Variants in ITGB8 observed in about 807,000 individuals in gnomAD.
The protein encoded by ITGB8 is integrin subunit beta 8, also known as integrin beta-8.
In ITGB8, 30 loss-of-function variants were observed where a neutral mutation model predicts 89.5. That is an observed-to-expected ratio of 0.34 (90% CI 0.25 to 0.45). The LOEUF is 0.45. Among genes scored for constraint, ITGB8 ranks in the 20% least tolerant of loss-of-function variants. The pLI is 1.00. For synonymous variants in ITGB8, 335 were observed against 320.4 expected, an observed-to-expected ratio of 1.05 and a Z score of -0.49; for missense variants, 836 against 933.3, an observed-to-expected ratio of 0.90 and a Z score of 1.36.
At chr7:20,378,996 T>G (rs946964661) in intron 3 of ITGB8, 55 bp from the exon 4 acceptor site, 10 of 1,425,294 alleles carry the variant, frequency 7.0e-6, no homozygotes, top group Non-Finnish European at 9.4e-6. Flanking sequence ...ATTAAGAGCT[T>G]ATCCTGAAAA....
chr7:20,384,359 A>C (rs1786521157), intron 6 of ITGB8, among the ~76,000 whole-genome samples: 1 of 152,114 alleles, frequency 6.6e-6, no homozygotes, highest in African/African-American at 2.4e-5. Context: ...TATATGTCTA[A>C]ATTACATGGG....
intron 1 of ITGB8, among the ~76,000 whole-genome samples, chr7:20,338,437 G>C (rs1035441054): frequency 2.0e-5 from 3 of 151,820 alleles, no homozygotes. Flanking sequence ...GACCAGCCTG[G>C]CCAACATGGA....
chr7:20,359,519 G>C (rs1785421103), intron 1 of ITGB8, among the ~76,000 whole-genome samples: 1 of 152,208 alleles, frequency 6.6e-6, no homozygotes, highest in Admixed American at 6.5e-5. Context: ...ATGTTGGATG[G>C]GAGGGCAAAT....
At chr7:20,360,224 G>A (rs1156796599) in intron 1 of ITGB8, among the ~76,000 whole-genome samples, 1 of 152,134 alleles carries the variant, frequency 6.6e-6, no homozygotes, top group Admixed American at 6.6e-5. Context: ...TATGGAAGTA[G>A]GAGCCTTATC....
At chr7:20,350,600 C>T (rs1785082627) in intron 1 of ITGB8, among the ~76,000 whole-genome samples, 1 of 152,320 alleles carries the variant, frequency 6.6e-6, no homozygotes, top group African/African-American at 2.4e-5. Context: ...GTTTTCACAG[C>T]TCAGTGGAGG....
chr7:20,385,384 G>A (rs547592319), intron 6 of ITGB8, among the ~76,000 whole-genome samples: 1 of 152,350 alleles, frequency 6.6e-6, no homozygotes, highest in South Asian at 2.1e-4. Flanking sequence ...TAGGCTTGGT[G>A]TTTTTCCATG....
intron 1 of ITGB8, among the ~76,000 whole-genome samples, chr7:20,333,002 C>A (rs540830286): frequency 6.6e-6 from 1 of 151,328 alleles, no homozygotes; most frequent in East Asian, 1.9e-4. Context: ...CTTTCTCTGA[C>A]CTCTTGGGCT....
At chr7:20,363,510 G>A in intron 1 of ITGB8, 127 bp from the exon 2 acceptor site, 2 of 467,884 alleles carry the variant, frequency 4.3e-6, no homozygotes, top group South Asian at 6.4e-5. Context: ...TCAGATTTTT[G>A]TAATAAAAGG....
At chr7:20,384,893 C>T (rs1786542159) in intron 6 of ITGB8, among the ~76,000 whole-genome samples, 1 of 151,870 alleles carries the variant, frequency 6.6e-6, no homozygotes, top group Non-Finnish European at 1.5e-5. Flanking sequence ...GAATAAATTA[C>T]ATTTTCCACT....
At chr7:20,387,076 C>G (rs1310583426) in intron 6 of ITGB8, among the ~76,000 whole-genome samples, 1 of 152,178 alleles carries the variant, frequency 6.6e-6, no homozygotes, top group East Asian at 1.9e-4. Context: ...TTAGGAAAGG[C>G]CTCCAAATCT....
chr7:20,360,080 C>T (rs1198106595), intron 1 of ITGB8, among the ~76,000 whole-genome samples: 2 of 152,134 alleles, frequency 1.3e-5, no homozygotes. Context: ...ACCAACATTT[C>T]TCTCTCTCTG....
At chr7:20,388,307 G>C (rs921919528) in intron 6 of ITGB8, among the ~76,000 whole-genome samples, 1 of 152,172 alleles carries the variant, frequency 6.6e-6, no homozygotes, top group Non-Finnish European at 1.5e-5. Context: ...TATGTAATGG[G>C]TTAGACAGAG....
At position 20,379,111 on chromosome 7, in the gene ITGB8, A is replaced by C; in HGVS notation, c.449A>C (p.Tyr150Ser). Reference protein sequence around the residue: ...HPLKKYPVDLYYLVDVSASMH... With the variant: ...HPLKKYPVDLSYLVDVSASMH... ...CTGAAGAAATATCCTGTGGATCTTT[A>C]TTATCTTGTTGATGTCTCAGCATCA... Residue 150 changes from tyrosine to serine, a missense_variant, in exon 4 of 14, where the codon TAT (tyrosine) becomes TCT (serine). Physicochemically the swap from Tyr to Ser is moderately radical, Grantham distance 144. Around this residue, in one of 5 missense-constraint regions of ITGB8, gnomAD observed 38 missense variants for 52.2 expected, o/e 0.73. Transcript: ENST00000222573. The C allele has an allele frequency of 6.2e-7, 1 of 1,600,812 alleles. No individual in the cohort carries two copies. Among genetic ancestry groups the C allele is most frequent in the Non-Finnish European group, 8.5e-7 (1 of 1,171,576 alleles).
chr7:20,351,471 TC>T (rs1785110397), intron 1 of ITGB8, among the ~76,000 whole-genome samples: 1 of 152,254 alleles, frequency 6.6e-6, no homozygotes, highest in South Asian at 2.1e-4. Context: ...TTCAGGTAGA[TC>T]ATTTATATAA....
intron 1 of ITGB8, among the ~76,000 whole-genome samples, chr7:20,336,233 C>T (rs1056300266): frequency 9.9e-5 from 15 of 152,204 alleles, no homozygotes; most frequent in African/African-American, 1.9e-4. Flanking sequence ...TCTTGATCTC[C>T]TGACCTCGTG....
At chr7:20,391,694 C>T (rs1786865628) in intron 7 of ITGB8, among the ~76,000 whole-genome samples, 196 bp downstream of exon 7, 1 of 152,166 alleles carries the variant, frequency 6.6e-6, no homozygotes, top group African/African-American at 2.4e-5. Context: ...AGGTTTGTAA[C>T]ATCTAGAACC....
At chr7:20,395,668 T>G (rs1179166173) in intron 8 of ITGB8, among the ~76,000 whole-genome samples, 1 of 152,222 alleles carries the variant, frequency 6.6e-6, no homozygotes, top group Non-Finnish European at 1.5e-5. Flanking sequence ...TGACTGCTAC[T>G]TTTTTACCAC....
intron 8 of ITGB8, among the ~76,000 whole-genome samples, chr7:20,395,651 A>G (rs1338540116): frequency 3.2e-4 from 49 of 152,188 alleles, no homozygotes; most frequent in Non-Finnish European, 1.5e-5. Context: ...AGATGTTGTG[A>G]AAATAGTGAC....
intron 6 of ITGB8, among the ~76,000 whole-genome samples, chr7:20,386,880 G>T (rs1482405754): frequency 6.6e-6 from 1 of 152,048 alleles, no homozygotes; most frequent in East Asian, 1.9e-4. Context: ...AAAGCTTTTT[G>T]TTGCCATTAT....
Sources: allele counts gnomAD v4.1 joint callset (sites outside exome capture counted in the v4.1 genomes callset), GRCh38; gene constraint gnomAD v4.1.1; regional missense constraint gnomAD v4.1.1; transcripts MANE v1.5; gene names NCBI Gene and HGNC (gene_info 2026-07-23, HGNC 2026-07-21).